Variants in ZNF138 observed in about 807,000 individuals in gnomAD.
ZNF138 encodes zinc finger protein 138 (clone pHZ-32).
ZNF138 carries 33 observed loss-of-function variants against 33.0 expected under a neutral mutation model. That is an observed-to-expected ratio of 1.00 (90% CI 0.76 to 1.34). The LOEUF (loss-of-function observed/expected upper bound fraction) is 1.34, where lower values mean the gene tolerates loss of function less well. ZNF138 is among the 40% of genes most tolerant of loss of function. ZNF138 has a pLI of 0.00. For synonymous variants in ZNF138, 139 were observed against 120.4 expected (o/e 1.15, Z -1.01); for missense variants, 360 against 370.8 (o/e 0.97, Z 0.24).
At chr7:64,831,179 G>A in intron 3 of ZNF138, 1 of 1,446,422 alleles carries the variant, frequency 6.9e-7, no homozygotes, top group South Asian at 1.4e-5. Flanking sequence ...GAGCTGTGTT[G>A]GGTAAATGTA....
chr7:64,845,294 T>A, the ZNF138 span, among the ~76,000 whole-genome samples: 2 of 152,252 alleles, frequency 1.3e-5, no homozygotes, highest in Non-Finnish European at 2.9e-5. Flanking sequence ...TAGTATTCCA[T>A]CATATATATA....
chr7:64,835,475 A>G (rs1790340437), downstream of ZNF138: 1 of 152,152 alleles, frequency 6.6e-6, no homozygotes, highest in African/African-American at 2.4e-5. Context: ...GGATAAGGAA[A>G]GGGAGCATCT....
At chr7:64,802,231 GA>G (rs1383773689) in intron 1 of ZNF138, among the ~76,000 whole-genome samples, 1 of 152,222 alleles carries the variant, frequency 6.6e-6, no homozygotes. Context: ...CGGATCAATA[GA>G]AAGAAAATGT....
intron 1 of ZNF138, among the ~76,000 whole-genome samples, chr7:64,809,033 C>A (rs1369918557): frequency 4.7e-5 from 6 of 128,126 alleles, no homozygotes; most frequent in African/African-American, 1.7e-4. Flanking sequence ...TTTTCCCCAC[C>A]TTTCCCGCCT....
chr7:64,842,200 A>G, the ZNF138 span, among the ~76,000 whole-genome samples: 1 of 152,240 alleles, frequency 6.6e-6, no homozygotes. Context: ...AGTAGCTGGG[A>G]TTGCAGGTGC....
chr7:64,801,636 G>A (rs936702063), intron 1 of ZNF138, among the ~76,000 whole-genome samples: 1 of 152,108 alleles, frequency 6.6e-6, no homozygotes, highest in East Asian at 1.9e-4. Flanking sequence ...TATATATTAT[G>A]TTGTTTTTAG....
At chr7:64,860,086 A>G in the ZNF138 span, among the ~76,000 whole-genome samples, 1 of 152,184 alleles carries the variant, frequency 6.6e-6, no homozygotes, top group Non-Finnish European at 1.5e-5. Flanking sequence ...GCAGTGAGCC[A>G]AAATCATTCC....
chr7:64,843,310 T>C, the ZNF138 span, among the ~76,000 whole-genome samples: 3 of 152,232 alleles, frequency 2.0e-5, no homozygotes, highest in African/African-American at 7.2e-5. Flanking sequence ...TCGTTTGTTT[T>C]GGATGTATAA....
rs1790162165 is a variant in ZNF138, at chr7:64,832,341, G to T, written c.*139G>T. 3 of 1,567,428 alleles carry T rather than the reference G, an allele frequency of 1.9e-6. No homozygotes were observed. Among genetic ancestry groups the T allele is most frequent in the East Asian group, 2.3e-5 (1 of 44,394 alleles). The stretch of plus-strand genomic sequence containing the variant: ...CGGAGAGAAACCCCACAAATGTGAA[G>T]AATGTGGCAGAGCTTTTAACCAGTC... On this transcript the variant is annotated 3_prime_UTR_variant, in exon 4 of 4. Coordinates refer to ENST00000307355, the MANE Select transcript of ZNF138 (RefSeq NM_001271639.2).
chr7:64,825,716 T>C (rs187116859), intron 3 of ZNF138, among the ~76,000 whole-genome samples: 1 of 151,850 alleles, frequency 6.6e-6, no homozygotes, highest in Admixed American at 6.6e-5. Context: ...ATTTTTGTAT[T>C]TTCGGTAGAG....
chr7:64,858,657 G>A, the ZNF138 span, among the ~76,000 whole-genome samples: 3 of 152,100 alleles, frequency 2.0e-5, no homozygotes, highest in African/African-American at 7.2e-5. Flanking sequence ...TTCACCCCCT[G>A]TCGCAGGCAA....
At chr7:64,843,129 C>T in the ZNF138 span, among the ~76,000 whole-genome samples, 1 of 152,062 alleles carries the variant, frequency 6.6e-6, no homozygotes, top group Non-Finnish European at 1.5e-5. Flanking sequence ...CAGGTTAATT[C>T]GTGTGATTGA....
At chr7:64,836,136 C>G (rs377628095), downstream of ZNF138, 11 of 152,016 alleles carry the variant, frequency 7.2e-5, no homozygotes, top group African/African-American at 2.7e-4. Flanking sequence ...AGTAACAGAA[C>G]GGGAACTTGT....
chr7:64,854,482 C>A, the ZNF138 span, among the ~76,000 whole-genome samples: 4 of 152,226 alleles, frequency 2.6e-5, no homozygotes, highest in Non-Finnish European at 5.9e-5. Flanking sequence ...CTCAAGTGAT[C>A]GGCCCACCTC....
chr7:64,815,724 A>G (rs1224194837), intron 3 of ZNF138, 71 bp downstream of exon 3: 1 of 1,359,926 alleles, frequency 7.4e-7, no homozygotes, highest in Middle Eastern at 1.8e-4. Context: ...ACTCCTTTAA[A>G]TGTGATTTGG....
chr7:64,798,632 A>T (rs1300908199), intron 1 of ZNF138, among the ~76,000 whole-genome samples: 1 of 152,132 alleles, frequency 6.6e-6, no homozygotes, highest in African/African-American at 2.4e-5. Flanking sequence ...CAAAAAAAAT[A>T]GTCGGACATG....
intron 1 of ZNF138, among the ~76,000 whole-genome samples, chr7:64,802,348 A>C (rs1216336827): frequency 6.6e-6 from 1 of 152,148 alleles, no homozygotes; most frequent in African/African-American, 2.4e-5. Flanking sequence ...TTCTTACTGG[A>C]CTTAAAAAGG....
chr7:64,848,687 G>A, the ZNF138 span, among the ~76,000 whole-genome samples: 1 of 143,544 alleles, frequency 7.0e-6, no homozygotes, highest in African/African-American at 2.5e-5. Context: ...CATTGCTGGT[G>A]AGTGTGATTT....
chr7:64,835,094 T>A (rs1472021271), downstream of ZNF138, among the ~76,000 whole-genome samples: 2 of 151,868 alleles, frequency 1.3e-5, no homozygotes, highest in African/African-American at 4.8e-5. Flanking sequence ...GTCGGTTGAG[T>A]TTCACACTTC....
Sources: allele counts gnomAD v4.1 joint callset (sites outside exome capture counted in the v4.1 genomes callset), GRCh38; gene constraint gnomAD v4.1.1; transcripts MANE v1.5; gene names NCBI Gene and HGNC (gene_info 2026-07-23, HGNC 2026-07-21).